The following FAM117B variants were observed in gnomAD, a reference collection of about 807,000 sequenced individuals.
FAM117B encodes protein FAM117B.
FAM117B carries 22 observed loss-of-function variants against 52.8 expected under a neutral mutation model. The ratio of observed to expected loss-of-function variants is 0.42; its 90% CI spans 0.30 to 0.59. FAM117B has a LOEUF of 0.59. Ranked by LOEUF, FAM117B falls within the 20% of genes least tolerant of loss-of-function variation. FAM117B has a pLI of 0.22. For missense variants in FAM117B, 678 were observed against 802.6 expected, an observed-to-expected ratio of 0.84 and a Z score of 1.88; for synonymous variants, 309 against 324.1, an observed-to-expected ratio of 0.95 and a Z score of 0.50.
At chr2:202,667,620 T>G (rs1690225855) in intron 1 of FAM117B, among the ~76,000 whole-genome samples, 1 of 152,306 alleles carries the variant, frequency 6.6e-6, no homozygotes, top group South Asian at 2.1e-4. Flanking sequence ...TGAATGGTAC[T>G]GGTGTTATGT....
intron 1 of FAM117B, among the ~76,000 whole-genome samples, chr2:202,649,289 C>T (rs1231716226): frequency 6.6e-6 from 1 of 152,106 alleles, no homozygotes; most frequent in Non-Finnish European, 1.5e-5. Context: ...ATGTCTCCTT[C>T]CCTCTCTCTT....
rs554117321 is a variant in FAM117B at position 202,665,759 on chromosome 2, C to T, written c.601+29971C>T. Among the ~76,000 whole-genome samples, 161 of 152,260 alleles carry T rather than the reference C, an allele frequency of 1.1e-3. 1 individual carries two copies. The highest frequency in any genetic ancestry group is 2.0e-3 in the Non-Finnish European group (136 of 68,028). On this transcript the variant is annotated intron_variant, in intron 1 of 7. Coordinates refer to ENST00000392238, the MANE Select transcript of FAM117B (RefSeq NM_173511.4). ...GGGACTACAGGTGCATGCCACCATG[C>T]CTGGCTAATTTTTGTATTTTTAGTA...
At chr2:202,731,332 AATATATATATATATATATATATATATAT>A (rs35255766) in intron 4 of FAM117B, among the ~76,000 whole-genome samples, 2 of 30,740 alleles carry the variant, frequency 6.5e-5, no homozygotes, top group Non-Finnish European at 2.1e-4. Flanking sequence ...GAGAAATTGG[AATATATATATATATATATATATATATAT>A]ATATATATGG....
rs536976636 is a variant in FAM117B at position 202,725,109 on chromosome 2, G to C, written c.846+100G>C. ...CAGCAAGGATTTGTCGTTTTCCATT[G>C]ATTTCTTTTTTCTTTTTGGCTTCTG... On this transcript the variant is annotated intron_variant, in intron 3 of 7. Coordinates refer to ENST00000392238, the MANE Select transcript of FAM117B (RefSeq NM_173511.4). The C allele has an allele frequency of 8.3e-6, 7 of 843,788 alleles. No homozygotes were observed. The African/African-American group carries it at 8.7e-5, about 10-fold the overall frequency. 52.3% of individuals were successfully genotyped at this position (843,788 alleles called of 1,614,324 possible).
chr2:202,668,647 T>C (rs1574548747), intron 1 of FAM117B, among the ~76,000 whole-genome samples: 2 of 146,872 alleles, frequency 1.4e-5, no homozygotes, highest in African/African-American at 5.0e-5. Context: ...AATAAATAAA[T>C]AAATAAAATA....
intron 1 of FAM117B, among the ~76,000 whole-genome samples, chr2:202,666,527 A>G (rs191942513): frequency 2.0e-5 from 3 of 151,892 alleles, no homozygotes; most frequent in Admixed American, 6.6e-5. Context: ...AGCATGTACT[A>G]TGTATGTTTA....
At chr2:202,762,485 T>C (rs185980019) in intron 7 of FAM117B, among the ~76,000 whole-genome samples, 67 of 152,340 alleles carry the variant, frequency 4.4e-4, no homozygotes, top group African/African-American at 1.5e-3. Flanking sequence ...TCTTACACAT[T>C]ATGGCTTCTT....
rs373775216 is a variant in FAM117B, at chr2:202,703,784, T to C, written c.753+7752T>C. Reference sequence around the variant, plus strand: ...GTTCTGAACAATGCTGCAGTGTACATGCAAGTATCTGTGTGAATCCCTGCT... The same window carrying C: ...GTTCTGAACAATGCTGCAGTGTACACGCAAGTATCTGTGTGAATCCCTGCT... On this transcript the variant is annotated intron_variant, in intron 2 of 7. Transcript: ENST00000392238. Among the ~76,000 whole-genome samples the C allele has an allele frequency of 5.0e-4, 76 of 152,356 alleles. 1 individual carries two copies. Among genetic ancestry groups the C allele is most frequent in the African/African-American group, 1.7e-3 (72 of 41,584 alleles).
At chr2:202,680,157 A>G (rs554727503) in intron 1 of FAM117B, among the ~76,000 whole-genome samples, 7 of 152,278 alleles carry the variant, frequency 4.6e-5, no homozygotes, top group Admixed American at 1.3e-4. Context: ...ACAAAAATTG[A>G]ATGTAAGAGA....
At chr2:202,675,245 A>G (rs1690360077) in intron 1 of FAM117B, among the ~76,000 whole-genome samples, 2 of 151,556 alleles carry the variant, frequency 1.3e-5, no homozygotes, top group Admixed American at 6.6e-5. Flanking sequence ...AAAAACAACA[A>G]CAAAAAGCCT....
chr2:202,746,199 C>T (rs1020010312), intron 4 of FAM117B, among the ~76,000 whole-genome samples: 3 of 151,966 alleles, frequency 2.0e-5, no homozygotes, highest in African/African-American at 7.3e-5. Context: ...ATGTTAGGCC[C>T]CAAAACATAT....
At chr2:202,683,365 T>A (rs186441579) in intron 1 of FAM117B, among the ~76,000 whole-genome samples, 1 of 152,146 alleles carries the variant, frequency 6.6e-6, no homozygotes, top group East Asian at 1.9e-4. Flanking sequence ...AAAAACCTGT[T>A]TAGTAGAGGA....
At chr2:202,661,186 A>G (rs1690122618) in intron 1 of FAM117B, among the ~76,000 whole-genome samples, 1 of 152,128 alleles carries the variant, frequency 6.6e-6, no homozygotes, top group Admixed American at 6.5e-5. Context: ...ACTTTTTTGA[A>G]TCCTCGGAGG....
intron 1 of FAM117B, among the ~76,000 whole-genome samples, chr2:202,649,040 C>T (rs965565869): frequency 2.0e-5 from 3 of 152,176 alleles, no homozygotes; most frequent in Non-Finnish European, 4.4e-5. Flanking sequence ...GCATGAGCCA[C>T]CGTGCCCGGC....
At chr2:202,724,632 A>T (rs1243436223) in intron 2 of FAM117B, among the ~76,000 whole-genome samples, 2 of 152,158 alleles carry the variant, frequency 1.3e-5, no homozygotes, top group East Asian at 3.9e-4. Flanking sequence ...TCTAGTTATT[A>T]TATATAGTTA....
chr2:202,731,305 T>C (rs1691340410), intron 4 of FAM117B, among the ~76,000 whole-genome samples: 1 of 111,014 alleles, frequency 9.0e-6, no homozygotes, highest in Non-Finnish European at 1.8e-5. Context: ...AGATAATAAG[T>C]GTCAGGGGAG....
chr2:202,686,548 A>G (rs1290187590), intron 1 of FAM117B, among the ~76,000 whole-genome samples: 1 of 152,234 alleles, frequency 6.6e-6, no homozygotes, highest in Non-Finnish European at 1.5e-5. Context: ...GCGGTGGCTC[A>G]TGCCTGTGAT....
At chr2:202,675,940 G>A (rs1690371343) in intron 1 of FAM117B, among the ~76,000 whole-genome samples, 2 of 141,104 alleles carry the variant, frequency 1.4e-5, no homozygotes, top group South Asian at 2.2e-4. Context: ...AGCTGAGATC[G>A]CACCATTGCA....
intron 1 of FAM117B, among the ~76,000 whole-genome samples, chr2:202,694,746 T>A (rs1690685595): frequency 6.6e-6 from 1 of 152,166 alleles, no homozygotes; most frequent in African/African-American, 2.4e-5. Flanking sequence ...AGGCAAGGGA[T>A]CAATTAGCAA....
Sources: allele counts gnomAD v4.1 joint callset (sites outside exome capture counted in the v4.1 genomes callset), GRCh38; gene constraint gnomAD v4.1.1; transcripts MANE v1.5; gene names NCBI Gene and HGNC (gene_info 2026-07-23, HGNC 2026-07-21).